SNORC: variants seen among roughly 807,000 people sequenced by gnomAD.
SNORC encodes protein SNORC.
SNORC carries 11 observed loss-of-function variants against 9.7 expected under a neutral mutation model. The ratio of observed to expected loss-of-function variants is 1.14; its 90% CI spans 0.72 to 1.88. The LOEUF is 1.88. Ranked by LOEUF, SNORC falls within the 40% of genes most tolerant of loss-of-function variation. The probability of loss-of-function intolerance (pLI) is 0.00; values close to 1 mark genes in which losing one functional copy is unlikely to be tolerated. For synonymous variants in SNORC, 108 were observed against 88.7 expected, an observed-to-expected ratio of 1.22 and a Z score of -1.22; for missense variants, 197 against 173.1, an observed-to-expected ratio of 1.14 and a Z score of -0.77.
chr2:232,868,062 G>A (rs1690910038), upstream of SNORC, among the ~76,000 whole-genome samples: 1 of 151,484 alleles, frequency 6.6e-6, no homozygotes, highest in African/African-American at 2.4e-5. Context: ...CTGCTCACCT[G>A]TTCATTTTTG....
downstream of SNORC, chr2:232,876,716 G>A: frequency 1.0e-6 from 1 of 987,858 alleles, no homozygotes; most frequent in African/African-American, 1.7e-5. This position sits in a 1 kb window ranked among gnomAD's most constrained non-coding sequence, Gnocchi z 6.8. Flanking sequence ...CGGTGCGCGT[G>A]CGCCGGGGCC....
At chr2:232,872,103 G>A (rs1691048596) in intron 1 of SNORC, among the ~76,000 whole-genome samples, 1 of 152,206 alleles carries the variant, frequency 6.6e-6, no homozygotes. Flanking sequence ...CTGGGGTTCT[G>A]GCTGTTGTTC....
intron 1 of SNORC, chr2:232,875,330 A>G (rs1479417762): frequency 4.8e-6 from 1 of 208,672 alleles, no homozygotes; most frequent in Non-Finnish European, 1.1e-5. Context: ...GCACAGAGCA[A>G]GACTCTGTTT....
chr2:232,870,309 TC>T, exon 1 of SNORC: 1 of 1,547,116 alleles, frequency 6.5e-7, no homozygotes, highest in Non-Finnish European at 8.7e-7. Context: ...CCTCCGTGCG[TC>T]CCGCCCGCCG....
At chr2:232,875,505 GC>G (rs1267648702) in intron 1 of SNORC, 1 of 438,538 alleles carries the variant, frequency 2.3e-6, no homozygotes. Flanking sequence ...GGGATGGATG[GC>G]CCAGGGTTGG....
At chr2:232,867,106 C>G (rs1447807528), upstream of SNORC, among the ~76,000 whole-genome samples, 2 of 152,234 alleles carry the variant, frequency 1.3e-5, no homozygotes, top group South Asian at 2.1e-4. Flanking sequence ...CCTGAACACC[C>G]TTTGGAAAAT....
rs764670925 is a variant in SNORC, at chr2:232,876,329, C to A, written c.339C>A (p.Val113=). 6.5e-7 allele frequency: 1 copy of A among 1,546,110 alleles called. No individual in the cohort carries two copies. The highest frequency in any genetic ancestry group is 1.2e-5 in the South Asian group (1 of 84,564). ...GCGTGGTGCTGGCGCTCGTGGTCGT[C>A]GCGCTGAGAAAGTTTTCTGCCTCCT... The change falls in exon 3 of 3, where the codon GTC becomes GTA. Residue 113 remains valine (V), a synonymous_variant. Coordinates refer to ENST00000331342, the Ensembl canonical transcript of SNORC. This position sits in a 1 kb window ranked among gnomAD's most constrained non-coding sequence, Gnocchi z 6.8.
Position 232,875,897 on chromosome 2 carries a change from G to T in SNORC, c.74-43G>T, listed in dbSNP as rs942570661. ...GAGGTGGGGGGTGACGTCCCTGTCG[G>T]CCCCGTCACCTGGGGCCCCAGCACC... On this transcript the variant is annotated intron_variant, in intron 1 of 2. Transcript: ENST00000331342. 7 of 1,513,032 alleles carry T rather than the reference G, an allele frequency of 4.6e-6. No homozygotes were observed. In the Admixed American group the frequency reaches 1.5e-4, roughly 32 times the overall value. 93.7% of individuals were successfully genotyped at this position (1,513,032 alleles called of 1,614,324 possible).
chr2:232,876,752 G>A (rs1212460247), downstream of SNORC: 2 of 985,580 alleles, frequency 2.0e-6, no homozygotes, highest in African/African-American at 3.5e-5. This position sits in a 1 kb window ranked among gnomAD's most constrained non-coding sequence, Gnocchi z 6.8. Flanking sequence ...CGGGTGTGCG[G>A]CCAGCGGTCT....
chr2:232,876,708 G>C, downstream of SNORC: 7 of 989,186 alleles, frequency 7.1e-6, no homozygotes, highest in Non-Finnish European at 8.4e-6. This position sits in a 1 kb window ranked among gnomAD's most constrained non-coding sequence, Gnocchi z 6.8. Context: ...TGCGTGCCCG[G>C]TGCGCGTGCG....
intron 1 of SNORC, 158 bp from the exon 2 acceptor site, chr2:232,875,782 C>G: frequency 1.3e-6 from 1 of 799,932 alleles, no homozygotes; most frequent in Non-Finnish European, 1.9e-6. Flanking sequence ...AACGCACTGG[C>G]TTCAGCTTCT....
chr2:232,873,466 T>C (rs1350277130), intron 1 of SNORC, among the ~76,000 whole-genome samples: 1 of 152,146 alleles, frequency 6.6e-6, no homozygotes, highest in Non-Finnish European at 1.5e-5. Context: ...GCCTGGGTAC[T>C]GAGCCCTGCC....
chr2:232,873,799 G>A (rs539193737), intron 1 of SNORC, among the ~76,000 whole-genome samples: 3 of 152,268 alleles, frequency 2.0e-5, no homozygotes, highest in South Asian at 4.1e-4. Flanking sequence ...TTCTGGCTGC[G>A]ACATGGGAGG....
At chr2:232,872,998 T>G (rs1350174242) in intron 1 of SNORC, among the ~76,000 whole-genome samples, 1 of 152,222 alleles carries the variant, frequency 6.6e-6, no homozygotes, top group East Asian at 1.9e-4. Flanking sequence ...TGGTGGCTCC[T>G]GGGGCCCTGG....
chr2:232,876,285 G>T lies in SNORC; in HGVS notation c.295G>T (p.Ala99Ser). 2 of 1,533,922 alleles carry T rather than the reference G, an allele frequency of 1.3e-6. No individual in the cohort carries two copies. The highest frequency in any genetic ancestry group is 1.7e-6 in the Non-Finnish European group (2 of 1,144,512). Reference sequence around the variant, plus strand: ...CGGCGCTATCGCGGCCATCGTGATCGCCGCCCTGCTGGCCACCTGCGTGGT... The same window carrying T: ...CGGCGCTATCGCGGCCATCGTGATCTCCGCCCTGCTGGCCACCTGCGTGGT... Residue 99 changes from alanine to serine, a missense_variant, in exon 3 of 3, where the codon GCC (alanine) becomes TCC (serine). Ala to Ser is a moderately conservative substitution (Grantham distance 99, BLOSUM62 1). Coordinates refer to ENST00000331342, the Ensembl canonical transcript of SNORC. This position sits in a 1 kb window ranked among gnomAD's most constrained non-coding sequence, Gnocchi z 6.8.
intron 1 of SNORC, chr2:232,875,657 A>G (rs776665170): frequency 4.7e-5 from 25 of 532,296 alleles, no homozygotes; most frequent in East Asian, 1.4e-4. Flanking sequence ...GGGTACCCCA[A>G]ATCCTGCCAA....
At chr2:232,867,660 C>T (rs776455823), upstream of SNORC, among the ~76,000 whole-genome samples, 2 of 152,216 alleles carry the variant, frequency 1.3e-5, no homozygotes, top group Non-Finnish European at 2.9e-5. Context: ...ACGCCTGCCT[C>T]GTCCTGCCTC....
At chr2:232,870,406 T>G in exon 1 of SNORC, 1 of 1,569,240 alleles carries the variant, frequency 6.4e-7, no homozygotes, top group Non-Finnish European at 8.6e-7. Context: ...GCCCCTGCGG[T>G]GCTCACAGGT....
At chr2:232,875,962 G>A (rs1479837312) in exon 2 of SNORC, 1 of 1,553,824 alleles carries the variant, frequency 6.4e-7, no homozygotes, top group South Asian at 1.2e-5. Flanking sequence ...AGGAGCCCGT[G>A]CCCACGCTGT....
Sources: gnomAD v4.1 joint callset for allele counts (sites outside exome capture counted in the v4.1 genomes callset) on GRCh38, gnomAD v4.1.1 for gene constraint, Gnocchi (gnomAD v3.1) non-coding constraint, MANE v1.5 for transcripts, NCBI Gene and HGNC (gene_info 2026-07-23, HGNC 2026-07-21) for gene names.